Variants in ADAMTSL1 observed in about 807,000 individuals in gnomAD.
The protein encoded by ADAMTSL1 is ADAMTS like 1.
ADAMTSL1 carries 126 observed loss-of-function variants against 201.8 expected under a neutral mutation model. The observed-to-expected ratio is 0.62, with a 90% CI of 0.54 to 0.72. The LOEUF (loss-of-function observed/expected upper bound fraction) is 0.72, where lower values mean the gene tolerates loss of function less well. Ranked by LOEUF, ADAMTSL1 falls within the 30% of genes least tolerant of loss-of-function variation. ADAMTSL1 has a pLI of 0.00. For missense variants in ADAMTSL1, 2,679 were observed against 2,277.8 expected (o/e 1.18, Z -3.59); for synonymous variants, 1,121 against 903.4 (o/e 1.24, Z -4.32).
intron 2 of ADAMTSL1, among the ~76,000 whole-genome samples, chr9:18,305,031 A>G (rs1411552212): frequency 6.6e-6 from 1 of 152,138 alleles, no homozygotes; most frequent in Non-Finnish European, 1.5e-5. Flanking sequence ...GGGCCTGGTT[A>G]GACAGTGGGT....
At chr9:18,253,386 A>G (rs143235466) in intron 2 of ADAMTSL1, among the ~76,000 whole-genome samples, 76 of 152,340 alleles carry the variant, frequency 5.0e-4, no homozygotes, top group Middle Eastern at 3.4e-3. Context: ...ATATTAGTTT[A>G]GTGCTAAAAA....
intron 1 of ADAMTSL1, among the ~76,000 whole-genome samples, chr9:18,502,481 G>C (rs1822894586): frequency 1.3e-5 from 2 of 152,148 alleles, no homozygotes; most frequent in African/African-American, 2.4e-5. Context: ...ATTTAAATGG[G>C]CTATGGAGAA....
chr9:18,857,236 A>G (rs372770659), intron 23 of ADAMTSL1, among the ~76,000 whole-genome samples: 2 of 152,240 alleles, frequency 1.3e-5, no homozygotes, highest in African/African-American at 4.8e-5. Context: ...AGTTGCTGAC[A>G]TAATACCTCA....
intron 20 of ADAMTSL1, among the ~76,000 whole-genome samples, chr9:18,812,967 C>CTTTTTTT (rs35159482): frequency 8.4e-6 from 1 of 118,646 alleles, no homozygotes; most frequent in Non-Finnish European, 1.7e-5. Flanking sequence ...CAGCTATGTA[C>CTTTTTTT]TTTTTTTTTT....
At chr9:18,438,771 C>T (rs893345674) in intron 2 of ADAMTSL1, among the ~76,000 whole-genome samples, 1 of 152,134 alleles carries the variant, frequency 6.6e-6, no homozygotes. Flanking sequence ...GACGAGCCGG[C>T]GCAGAGTCTG....
chr9:18,889,724 G>A lies in ADAMTSL1; in HGVS notation c.4619G>A (p.Cys1540Tyr). 1 of 1,521,704 alleles carries A rather than the reference G, an allele frequency of 6.6e-7. No homozygotes were observed. Among genetic ancestry groups the A allele is most frequent in the Non-Finnish European group, 8.8e-7 (1 of 1,132,778 alleles). The allele number at this position is 1,521,704 out of a possible 1,614,324, so 94.3% of individuals were successfully genotyped here. A position where few individuals can be genotyped will look rare whatever the true frequency, so the allele number is the denominator to read the frequency against. Residue 1540 changes from cysteine (C) to tyrosine (Y), a missense_variant, in exon 25 of 29, where the codon TGC becomes TAC. Physicochemically the swap from Cys to Tyr is radical, Grantham distance 194. Transcript: ENST00000380548. ...CGCCCTGCGGTGCAGCCCATCGCGT[G>A]CAACCGGAGAGACTGCCCTTCTCGG... Reference protein sequence around the residue: ...KVRPAVQPIACNRRDCPSRWM... With the variant: ...KVRPAVQPIAYNRRDCPSRWM...
chr9:18,321,237 GA>G (rs1226499645), intron 2 of ADAMTSL1, among the ~76,000 whole-genome samples: 1 of 152,004 alleles, frequency 6.6e-6, no homozygotes, highest in African/African-American at 2.4e-5. Flanking sequence ...AATAATAAAA[GA>G]GTTAATAAGA....
At chr9:18,536,679 G>A (rs1429550116) in intron 3 of ADAMTSL1, among the ~76,000 whole-genome samples, 3 of 152,124 alleles carry the variant, frequency 2.0e-5, no homozygotes, top group Non-Finnish European at 4.4e-5. Context: ...CTATTCTAAG[G>A]AAGCAGCAAG....
chr9:18,484,436 T>G (rs1307729984), intron 1 of ADAMTSL1, among the ~76,000 whole-genome samples: 1 of 152,238 alleles, frequency 6.6e-6, no homozygotes, highest in Non-Finnish European at 1.5e-5. Flanking sequence ...AAGATTTATA[T>G]TTAAGGTCAT....
intron 1 of ADAMTSL1, among the ~76,000 whole-genome samples, chr9:18,044,181 A>G (rs1208699598): frequency 2.0e-5 from 3 of 151,996 alleles, no homozygotes; most frequent in Middle Eastern, 3.4e-3. Flanking sequence ...GAGGAAATTC[A>G]CTAAGACCAA....
chr9:18,184,031 T>G (rs1173294082), intron 2 of ADAMTSL1, among the ~76,000 whole-genome samples: 1 of 152,236 alleles, frequency 6.6e-6, no homozygotes, highest in East Asian at 1.9e-4. Context: ...TTCCCAGTGC[T>G]GTCTAAAAGA....
Position 18,706,776 on chromosome 9 carries a change from C to A in ADAMTSL1, c.1604C>A (p.Thr535Lys). The A allele has an allele frequency of 6.2e-7, 1 of 1,607,626 alleles. No homozygotes were observed. The highest frequency in any genetic ancestry group is 8.5e-7 in the Non-Finnish European group (1 of 1,176,998). Residue 535 changes from threonine to lysine, a missense_variant, in exon 14 of 29, where the codon ACA becomes AAA. Transcript: ENST00000380548. Reference protein sequence around the residue: ...SFIPEAWSACTVTCGVGTQVR... With the variant: ...SFIPEAWSACKVTCGVGTQVR... ...ATCCCAGAGGCCTGGTCGGCCTGCA[C>A]AGTCACCTGTGGTGTGGGGACCCAG...
chr9:18,626,841 T>G (rs183731186), intron 5 of ADAMTSL1, among the ~76,000 whole-genome samples: 1 of 94,074 alleles, frequency 1.1e-5, no homozygotes, highest in East Asian at 2.7e-4. Flanking sequence ...TACTTTCTTT[T>G]TCTTTCTTTC....
chr9:18,810,886 G>T (rs1220064395), intron 20 of ADAMTSL1, among the ~76,000 whole-genome samples: 1 of 151,910 alleles, frequency 6.6e-6, no homozygotes, highest in Non-Finnish European at 1.5e-5. Context: ...AAAAAGTAAA[G>T]GGAAGAAAGC....
In ADAMTSL1 at chr9:18,504,952, A is replaced by C; in HGVS notation, c.187A>C (p.Ser63Arg). 1 of 1,608,050 alleles carries C rather than the reference A, an allele frequency of 6.2e-7. No homozygotes were observed. The stretch of plus-strand genomic sequence containing the variant: ...CTACTCTCTGAGGCGCTGCCTGAGC[A>C]GCAAGTAAGTCCTGCACCCGTTGGG... ...ASYSLRRCLS[S>R]KSCEGRNIRY... The change falls in exon 2 of 29, where the codon AGC becomes CGC. Residue 63 changes from serine to arginine, a missense_variant. Coordinates refer to ENST00000380548, the MANE Select transcript of ADAMTSL1 (RefSeq NM_001040272.6).
chr9:18,178,184 C>T (rs948341589), intron 2 of ADAMTSL1, among the ~76,000 whole-genome samples: 11 of 152,148 alleles, frequency 7.2e-5, no homozygotes, highest in East Asian at 1.9e-4. Context: ...GTGCGCGAGC[C>T]GAAGCAGGGC....
chr9:18,732,255 G>A (rs1818257979), intron 15 of ADAMTSL1, among the ~76,000 whole-genome samples: 1 of 152,128 alleles, frequency 6.6e-6, no homozygotes, highest in South Asian at 2.1e-4. Context: ...TATGGGGCAG[G>A]GTAAAGCGAA....
rs569678641 is a variant in ADAMTSL1 at position 18,181,070 on chromosome 9, A to C, written c.207+17089A>C. ...CTATTTAATAAATGGTGCTGGGAAA[A>C]CTGGCTAGCCATATGTAGAAAGCTG... On this transcript the variant is annotated intron_variant, in intron 2 of 29. Transcript: ENST00000680146. Among the ~76,000 whole-genome samples the C allele has an allele frequency of 4.6e-5, 7 of 152,292 alleles. No individual in the cohort carries two copies. In the East Asian group the frequency reaches 7.7e-4, roughly 17 times the overall value.
chr9:18,843,174 G>A lies in ADAMTSL1; in HGVS notation c.4249+13197G>A, dbSNP rs4593947. On this transcript the variant is annotated intron_variant, in intron 23 of 28. Coordinates refer to ENST00000380548, the MANE Select transcript of ADAMTSL1 (RefSeq NM_001040272.6). ...GCATGATTTTGCAGTGGCTGGTACC[G>A]GTTGTTCCTTTCCATGTTTAGTGCT... Among the ~76,000 whole-genome samples, 742 of 150,860 alleles carry A rather than the reference G, an allele frequency of 4.9e-3. 63 individuals are homozygous for A. The highest frequency in any genetic ancestry group is 0.015 in the African/African-American group (623 of 40,254).
Sources: allele counts gnomAD v4.1 joint callset (sites outside exome capture counted in the v4.1 genomes callset), GRCh38; gene constraint gnomAD v4.1.1; transcripts MANE v1.5; gene names NCBI Gene and HGNC (gene_info 2026-07-23, HGNC 2026-07-21).